PCSK6: variants seen among roughly 807,000 people sequenced by gnomAD.
PCSK6 encodes paired basic amino acid cleaving enzyme 4.
Under a neutral mutation model 123.3 loss-of-function variants are expected in PCSK6, and 85 were observed. That is an observed-to-expected ratio of 0.69 (90% CI 0.58 to 0.83). PCSK6 has a LOEUF of 0.83. Among genes scored for constraint, PCSK6 ranks in the 40% least tolerant of loss-of-function variants. PCSK6 has a pLI of 0.00. For synonymous variants in PCSK6, 508 were observed against 516.0 expected, an observed-to-expected ratio of 0.98 and a Z score of 0.21; for missense variants, 1,191 against 1,282.3, an observed-to-expected ratio of 0.93 and a Z score of 1.09.
intron 5 of PCSK6, among the ~76,000 whole-genome samples, chr15:101,429,080 A>G (rs922274469): frequency 6.6e-6 from 1 of 152,222 alleles, no homozygotes; most frequent in Non-Finnish European, 1.5e-5. Flanking sequence ...GAATCTCAGA[A>G]TCAAAGCGAC....
chr15:101,440,215 G>A (rs1021706099), intron 2 of PCSK6, among the ~76,000 whole-genome samples: 1 of 152,196 alleles, frequency 6.6e-6, no homozygotes, highest in Non-Finnish European at 1.5e-5. Flanking sequence ...TGCACACTGC[G>A]AACACTTGGG....
intron 11 of PCSK6, among the ~76,000 whole-genome samples, chr15:101,376,494 G>A (rs559886320): frequency 6.6e-6 from 1 of 152,278 alleles, no homozygotes; most frequent in Non-Finnish European, 1.5e-5. Context: ...ATAAAGCTCG[G>A]TCTATATGGA....
intron 11 of PCSK6, among the ~76,000 whole-genome samples, chr15:101,379,030 G>GCAGCGTTGGAGA (rs2041833676): frequency 6.6e-6 from 1 of 152,250 alleles, no homozygotes; most frequent in African/African-American, 2.4e-5. Flanking sequence ...AGCCACTGGG[G>GCAGCGTTGGAGA]CAGCGTTGGA....
intron 2 of PCSK6, among the ~76,000 whole-genome samples, chr15:101,433,049 C>T (rs904967721): frequency 6.6e-6 from 1 of 152,154 alleles, no homozygotes; most frequent in African/African-American, 2.4e-5. Flanking sequence ...TTTGTTTTCA[C>T]GATCAAGGAA....
At chr15:101,449,679 G>A (rs1236298300) in intron 1 of PCSK6, among the ~76,000 whole-genome samples, 8 of 152,178 alleles carry the variant, frequency 5.3e-5, no homozygotes, top group Non-Finnish European at 8.8e-5. Context: ...CCAGATGGAC[G>A]TTCTGGTTCC....
In PCSK6 at chr15:101,305,430, G is replaced by A. The variant is rs145354523; in HGVS notation, c.2813-75C>T. 1.7e-3 allele frequency: 2,188 copies of A among 1,260,272 alleles called. 27 individuals carry two copies. The highest frequency in any genetic ancestry group is 0.016 in the African/African-American group (1,101 of 68,052). 78.1% of individuals were successfully genotyped at this position (1,260,272 alleles called of 1,614,324 possible). ...TGCCTGTGAAGATTGTTTCAAGGCC[G>A]GGCGCGGTGCCTCATGCCTGTAATC... On this transcript the variant is annotated intron_variant, in intron 21 of 21. Coordinates refer to ENST00000611716, the MANE Select transcript of PCSK6 (RefSeq NM_002570.5). This position sits in a 1 kb window ranked among gnomAD's most constrained non-coding sequence, Gnocchi z 4.8.
chr15:101,392,060 C>T (rs1161338106), intron 8 of PCSK6, among the ~76,000 whole-genome samples: 1 of 152,226 alleles, frequency 6.6e-6, no homozygotes, highest in East Asian at 1.9e-4. Flanking sequence ...CCTGCCTGCA[C>T]GCAGTCCATG....
intron 2 of PCSK6, among the ~76,000 whole-genome samples, chr15:101,438,321 A>G (rs1343772087): frequency 6.6e-6 from 1 of 152,238 alleles, no homozygotes; most frequent in Non-Finnish European, 1.5e-5. Context: ...TTTTTCCATA[A>G]TTTAGCCAAG....
chr15:101,474,913 ACT>A (rs1555465001), intron 1 of PCSK6, among the ~76,000 whole-genome samples: 1 of 151,632 alleles, frequency 6.6e-6, no homozygotes, highest in Non-Finnish European at 1.5e-5. Flanking sequence ...TCTTCATGAG[ACT>A]CTTTTCCAGT....
chr15:101,322,468 C>T (rs1448359896), intron 18 of PCSK6, 52 bp downstream of exon 18: 16 of 1,295,990 alleles, frequency 1.2e-5, no homozygotes, highest in Non-Finnish European at 1.1e-6. Context: ...CCATAACACA[C>T]TCCAAGCAGC....
intron 7 of PCSK6, among the ~76,000 whole-genome samples, chr15:101,394,289 A>G (rs994601013): frequency 2.0e-5 from 3 of 151,964 alleles, no homozygotes; most frequent in Non-Finnish European, 2.9e-5. Flanking sequence ...ACCGGTGTTC[A>G]TTGTTAAGAA....
chr15:101,402,197 T>A (rs2042609696), intron 6 of PCSK6, among the ~76,000 whole-genome samples: 1 of 146,204 alleles, frequency 6.8e-6, no homozygotes, highest in African/African-American at 2.6e-5. Context: ...TAAATGGTGC[T>A]GGGAAAACTG....
chr15:101,452,545 GGT>G (rs1344213851), intron 1 of PCSK6, among the ~76,000 whole-genome samples: 3 of 152,152 alleles, frequency 2.0e-5, no homozygotes, highest in Non-Finnish European at 2.9e-5. Flanking sequence ...GGAAGAACAT[GGT>G]GTGTGTGGGG....
chr15:101,419,290 T>C (rs1238974369), intron 6 of PCSK6, among the ~76,000 whole-genome samples: 2 of 152,146 alleles, frequency 1.3e-5, no homozygotes, highest in Non-Finnish European at 2.9e-5. Flanking sequence ...ATAGCTTTCC[T>C]ATATCCGTTT....
Position 101,489,398 on chromosome 15 carries a change from C to T in PCSK6, c.273G>A (p.Ala91=), listed in dbSNP as rs1441268822. 2.4e-6 allele frequency: 3 copies of T among 1,270,428 alleles called. No individual in the cohort carries two copies. The highest frequency in any genetic ancestry group is 2.0e-6 in the Non-Finnish European group (2 of 993,854). 78.7% of individuals were successfully genotyped at this position (1,270,428 alleles called of 1,614,324 possible). The part of the protein sequence containing the change: ...GPAEADRVAA[A]HGYLNLGQIG... Reference sequence around the variant, plus strand: ...CCTGGCCCAAGTTGAGGTACCCGTGCGCCGCCGCCACGCGGTCCGCCTCGG... The same window carrying T: ...CCTGGCCCAAGTTGAGGTACCCGTGTGCCGCCGCCACGCGGTCCGCCTCGG... The change falls in exon 1 of 22, where the codon GCG becomes GCA. Residue 91 remains alanine (A), a synonymous_variant. Coordinates refer to ENST00000611716, the MANE Select transcript of PCSK6 (RefSeq NM_002570.5).
intron 20 of PCSK6, chr15:101,308,060 C>G (rs1163181762): frequency 2.0e-5 from 3 of 152,314 alleles, no homozygotes; most frequent in African/African-American, 7.2e-5. Context: ...GTGACAGAGG[C>G]AGTGTGGCCC....
intron 2 of PCSK6, among the ~76,000 whole-genome samples, chr15:101,441,606 G>T (rs1023109448): frequency 6.6e-6 from 1 of 152,208 alleles, no homozygotes; most frequent in African/African-American, 2.4e-5. Flanking sequence ...TCAAAACACA[G>T]ATTAAGTCTC....
At position 101,313,388 on chromosome 15, in the gene PCSK6, T is replaced by A; in HGVS notation, c.2687A>T (p.Lys896Ile). The change falls in exon 20 of 22, where the codon AAA becomes ATA. Residue 896 changes from lysine to isoleucine, a missense_variant. Physicochemically the swap from Lys to Ile is moderately radical, Grantham distance 102 (BLOSUM62 -3). This residue lies in a region of PCSK6 where 630 missense variants were observed against 631.4 expected (regional missense o/e 1.00). Coordinates refer to ENST00000611716, the MANE Select transcript of PCSK6 (RefSeq NM_002570.5). The stretch of plus-strand genomic sequence containing the variant: ...AGGAGGACCGTACCTTCGACACACT[T>A]TGTGGGGCAAGCCCGGCATCTCTTC... ...YPEEMPGLPH[K>I]VCRRCDENCL... is the part of the protein sequence containing the mutation. 1 of 1,612,726 alleles carries A rather than the reference T, an allele frequency of 6.2e-7. No homozygotes were observed. The highest frequency in any genetic ancestry group is 1.1e-5 in the South Asian group (1 of 91,088).
chr15:101,367,086 C>T (rs2041420171), intron 12 of PCSK6, among the ~76,000 whole-genome samples: 1 of 152,168 alleles, frequency 6.6e-6, no homozygotes, highest in African/African-American at 2.4e-5. Context: ...GCAGTACCCT[C>T]CTTGCAAGTC....
Sources: allele counts gnomAD v4.1 joint callset (sites outside exome capture counted in the v4.1 genomes callset), GRCh38; gene constraint gnomAD v4.1.1; regional missense constraint gnomAD v4.1.1; non-coding constraint Gnocchi (gnomAD v3.1); transcripts MANE v1.5; gene names NCBI Gene and HGNC (gene_info 2026-07-23, HGNC 2026-07-21).